Variants in GRAMD1A observed in about 807,000 individuals in gnomAD.
GRAMD1A encodes the protein GRAM domain containing 1A.
GRAMD1A carries 50 observed loss-of-function variants against 92.0 expected under a neutral mutation model. The ratio of observed to expected loss-of-function variants is 0.54; its 90% confidence interval spans 0.43 to 0.69. The LOEUF (loss-of-function observed/expected upper bound fraction) is 0.69, where lower values mean the gene tolerates loss of function less well. GRAMD1A is among the 30% of genes least tolerant of loss of function. The pLI, the probability that GRAMD1A is intolerant of heterozygous loss-of-function variation, is 0.00. For synonymous variants in GRAMD1A, 405 were observed against 403.6 expected (o/e 1.00, Z -0.04); for missense variants, 819 against 978.9 (o/e 0.84, Z 2.18).
Position 35,015,985 on chromosome 19 carries a change from GGAGAGGCT to G in GRAMD1A, c.1213+22_1213+29del, listed in dbSNP as rs1381585113. On this transcript the variant is annotated intron_variant, in intron 11 of 19. Coordinates refer to ENST00000317991, the MANE Select transcript of GRAMD1A (RefSeq NM_020895.5). Reference sequence around the variant, plus strand: ...GTTCACAGGTCAGCGGGCGCATGAAGGAGAGGCTGAGGTTACCCAGGTGCAGGGGAGGG... The same window carrying G: ...GTTCACAGGTCAGCGGGCGCATGAAGGAGGTTACCCAGGTGCAGGGGAGGG... 6.2e-7 allele frequency: 1 copy of G among 1,609,924 alleles called. No homozygotes were observed. The highest frequency in any genetic ancestry group is 8.5e-7 in the Non-Finnish European group (1 of 1,177,778).
intron 11 of GRAMD1A, among the ~76,000 whole-genome samples, chr19:35,017,820 C>A (rs538231434): frequency 1.2e-4 from 18 of 152,238 alleles, no homozygotes; most frequent in East Asian, 3.9e-4. Flanking sequence ...TTAACTCACA[C>A]CATGCCAGTA....
intron 19 of GRAMD1A, 71 bp downstream of exon 19, chr19:35,023,618 C>A (rs1456534903): frequency 1.4e-6 from 2 of 1,408,724 alleles, no homozygotes; most frequent in African/African-American, 1.4e-5. Context: ...CCCCACCGTG[C>A]GGCAGGCACT....
chr19:35,015,977 C>T lies in GRAMD1A; in HGVS notation c.1213+10C>T, dbSNP rs765201547. ...CAGTGCAAGTTCACAGGTCAGCGGG[C>T]GCATGAAGGAGAGGCTGAGGTTACC... On this transcript the variant is annotated intron_variant, in intron 11 of 19. Transcript: ENST00000317991. 2.5e-5 allele frequency: 40 copies of T among 1,610,100 alleles called. No individual in the cohort carries two copies. The highest frequency in any genetic ancestry group is 6.6e-5 in the South Asian group (6 of 90,606).
chr19:35,022,921 C>A lies in GRAMD1A; in HGVS notation c.1853+10C>A. 1 of 1,592,262 alleles carries A rather than the reference C, an allele frequency of 6.3e-7. No individual in the cohort carries two copies. Among genetic ancestry groups the A allele is most frequent in the East Asian group, 2.3e-5 (1 of 44,290 alleles). On this transcript the variant is annotated intron_variant, in intron 17 of 19. Coordinates refer to ENST00000317991, the MANE Select transcript of GRAMD1A (RefSeq NM_020895.5). Reference sequence around the variant, plus strand: ...GCAGGATCTGTGTGAGGTAGGGTCCCGAGTCCTCCCCCTGCCCTCCCCTCC... The same window carrying A: ...GCAGGATCTGTGTGAGGTAGGGTCCAGAGTCCTCCCCCTGCCCTCCCCTCC...
At chr19:35,022,281 G>A (rs1175718456) in intron 16 of GRAMD1A, among the ~76,000 whole-genome samples, 1 of 152,124 alleles carries the variant, frequency 6.6e-6, no homozygotes, top group African/African-American at 2.4e-5. Flanking sequence ...CTCACCCAAG[G>A]ATCAAGGGGG....
chr19:35,019,383 C>G lies in GRAMD1A; in HGVS notation c.1333-8C>G, dbSNP rs200865655. On this transcript the variant is annotated splice_region_variant and splice_polypyrimidine_tract_variant and intron_variant, in intron 12 of 19. Transcript: ENST00000317991. ...GTGGCCCTGACTTCTCCGGCTCTGTCCCTGCAGACGCTGTTCCGGCGCGGC... is the reference window on the plus strand; with the variant it reads ...GTGGCCCTGACTTCTCCGGCTCTGTGCCTGCAGACGCTGTTCCGGCGCGGC... 6.2e-7 allele frequency: 1 copy of G among 1,613,626 alleles called. No homozygotes were observed. The highest frequency in any genetic ancestry group is 8.5e-7 in the Non-Finnish European group (1 of 1,179,914).
chr19:35,017,220 G>A (rs572496638), intron 11 of GRAMD1A, among the ~76,000 whole-genome samples: 3 of 151,714 alleles, frequency 2.0e-5, no homozygotes, highest in East Asian at 1.9e-4. Context: ...AGCAGATGTC[G>A]GCATCATGCT....
chr19:35,015,980 A>T lies in GRAMD1A; in HGVS notation c.1213+13A>T. On this transcript the variant is annotated intron_variant, in intron 11 of 19. Transcript: ENST00000317991. ...TGCAAGTTCACAGGTCAGCGGGCGC[A>T]TGAAGGAGAGGCTGAGGTTACCCAG... 6.2e-7 allele frequency: 1 copy of T among 1,610,908 alleles called. No homozygotes were observed. Among genetic ancestry groups the T allele is most frequent in the Non-Finnish European group, 8.5e-7 (1 of 1,178,292 alleles).
Position 35,009,273 on chromosome 19 carries a change from C to A in GRAMD1A, c.163C>A (p.Pro55Thr). 6.2e-7 allele frequency: 1 copy of A among 1,614,066 alleles called. No homozygotes were observed. Among genetic ancestry groups the A allele is most frequent in the East Asian group, 2.2e-5 (1 of 44,870 alleles). The change falls in exon 2 of 20, where the codon CCT becomes ACT. Residue 55 changes from proline to threonine, a missense_variant. Pro to Thr is a conservative substitution (Grantham distance 38, BLOSUM62 -1). Coordinates refer to ENST00000317991, the MANE Select transcript of GRAMD1A (RefSeq NM_020895.5). ...SDSSSEKGGV[P>T]GTPSTQSLGS... Reference sequence around the variant, plus strand: ...TAGCTCCTCAGAGAAGGGTGGGGTGCCTGGGACCCCCAGCACCCAGAGCCT... The same window carrying A: ...TAGCTCCTCAGAGAAGGGTGGGGTGACTGGGACCCCCAGCACCCAGAGCCT...
intron 1 of GRAMD1A, among the ~76,000 whole-genome samples, chr19:35,001,799 G>C (rs1404202113): frequency 1.3e-5 from 2 of 152,010 alleles, no homozygotes; most frequent in African/African-American, 4.8e-5. Flanking sequence ...GTAGAGATGG[G>C]GTTTCACCAT....
In GRAMD1A at chr19:35,001,874, C is replaced by T. The variant is rs573451005; in HGVS notation, c.8+1388C>T. Among the ~76,000 whole-genome samples the T allele has an allele frequency of 2.7e-4, 41 of 152,282 alleles. No individual in the cohort carries two copies. The Middle Eastern group carries it at 0.014, about 51-fold the overall frequency. ...CCACCCACCTCGGCCTCCCAAAGTG[C>T]TGGGATTACAGGCTTAAGCCATCGC... On this transcript the variant is annotated intron_variant, in intron 1 of 19. Coordinates refer to ENST00000317991, the MANE Select transcript of GRAMD1A (RefSeq NM_020895.5).
intron 1 of GRAMD1A, chr19:35,002,746 T>C (rs1568315662): frequency 1.3e-5 from 2 of 152,554 alleles, no homozygotes; most frequent in Non-Finnish European, 2.9e-5. Context: ...CCCTGCCAGA[T>C]GGTGAGCCCA....
At chr19:35,010,778 C>T (rs2015177122) in intron 6 of GRAMD1A, 1 of 474,804 alleles carries the variant, frequency 2.1e-6, no homozygotes, top group East Asian at 3.4e-5. Flanking sequence ...CACTTCCCAG[C>T]AGACTTCTCT....
chr19:35,005,836 C>T (rs573207076), intron 1 of GRAMD1A: 196 of 455,898 alleles, frequency 4.3e-4, no homozygotes, highest in Middle Eastern at 9.7e-4. Flanking sequence ...TGTGGGGTCA[C>T]GCATGAGCCA....
intron 11 of GRAMD1A, 54 bp from the exon 12 acceptor site, chr19:35,019,137 C>G: frequency 8.3e-7 from 1 of 1,203,978 alleles, no homozygotes. Flanking sequence ...CTCCTGTGGC[C>G]TGTGGGCAAA....
Position 35,013,126 on chromosome 19 carries a change from T to C in GRAMD1A, c.607-130T>C. ...CCCCGCTTGCTGAGGCCAGGTCTGG[T>C]GCGGGAGATCGTGGCTGCCTCCTTG... On this transcript the variant is annotated intron_variant, in intron 7 of 19. Coordinates refer to ENST00000317991, the MANE Select transcript of GRAMD1A (RefSeq NM_020895.5). The surrounding 1 kb of genome is among the most constrained non-coding windows in gnomAD (Gnocchi z 4.9). 2 of 614,456 alleles carry C rather than the reference T, an allele frequency of 3.3e-6. No homozygotes were observed. The highest frequency in any genetic ancestry group is 2.6e-5 in the Admixed American group (1 of 38,996). The allele number at this position is 614,456 out of a possible 1,614,324, so 38.1% of individuals were successfully genotyped here.
In GRAMD1A at chr19:35,009,982, G is replaced by A. The variant is rs371685998; in HGVS notation, c.325+10G>A. ...GAACGCCTCATTGTGGGTGAGTCCC[G>A]GACCCCCAGTCCCAGCTCCTAGCCC... On this transcript the variant is annotated intron_variant, in intron 4 of 19. Transcript: ENST00000317991. 36 of 1,597,200 alleles carry A rather than the reference G, an allele frequency of 2.3e-5. No individual in the cohort carries two copies. The highest frequency in any genetic ancestry group is 1.9e-4 in the African/African-American group (14 of 74,664).
rs1269137766 is a variant in GRAMD1A, at chr19:35,013,082, G to C, written c.607-174G>C. On this transcript the variant is annotated intron_variant, in intron 7 of 19. Transcript: ENST00000317991. This position sits in a 1 kb window ranked among gnomAD's most constrained non-coding sequence, Gnocchi z 4.9. ...TTGAGTCCTGGGCGCAGGCCCTGGA[G>C]GGGCTGTAGCAGGGGATTCCCCGCT... 15 of 574,524 alleles carry C rather than the reference G, an allele frequency of 2.6e-5. No individual in the cohort carries two copies. Among genetic ancestry groups the C allele is most frequent in the Non-Finnish European group, 4.4e-5 (14 of 318,944 alleles). 35.6% of individuals were successfully genotyped at this position (574,524 alleles called of 1,614,324 possible). A position where few individuals can be genotyped will look rare whatever the true frequency, so the allele number is the denominator to read the frequency against.
chr19:35,023,304 A>G lies in GRAMD1A; in HGVS notation c.1922A>G (p.His641Arg), dbSNP rs770863701. 2 of 1,614,028 alleles carry G rather than the reference A, an allele frequency of 1.2e-6. No homozygotes were observed. Among genetic ancestry groups the G allele is most frequent in the African/African-American group, 1.3e-5 (1 of 75,020 alleles). ...YRLWSLERTA[H>R]TFESWHSLAL... The stretch of plus-strand genomic sequence containing the variant: ...CTCTGGTCCCTGGAAAGGACAGCCC[A>G]CACCTTTGAGTCCTGGCACAGCCTG... Residue 641 changes from histidine (H) to arginine (R), a missense_variant, in exon 18 of 20, where the codon CAC (histidine) becomes CGC (arginine). This residue lies in a region of GRAMD1A where 577 missense variants were observed against 674.6 expected (regional missense o/e 0.86). Coordinates refer to ENST00000317991, the MANE Select transcript of GRAMD1A (RefSeq NM_020895.5).
Sources: allele counts gnomAD v4.1 joint callset (sites outside exome capture counted in the v4.1 genomes callset), GRCh38; gene constraint gnomAD v4.1.1; regional missense constraint gnomAD v4.1.1; non-coding constraint Gnocchi (gnomAD v3.1); transcripts MANE v1.5; gene names NCBI Gene and HGNC (gene_info 2026-07-23, HGNC 2026-07-21).